ERMAP: variants seen among roughly 807,000 people sequenced by gnomAD.
ERMAP encodes erythroid membrane-associated protein.
In ERMAP, 34 loss-of-function variants were observed where a neutral mutation model predicts 49.5. That is an observed-to-expected ratio of 0.69 (90% confidence interval 0.52 to 0.91). The LOEUF is 0.91. ERMAP is among the 40% of genes least tolerant of loss of function. The pLI is 0.00. For synonymous variants in ERMAP, 214 were observed against 232.2 expected, an observed-to-expected ratio of 0.92 and a Z score of 0.71; for missense variants, 541 against 582.6, an observed-to-expected ratio of 0.93 and a Z score of 0.74.
chr1:42,831,575 C>CTTTTTTTTTTTTTTTTTTTTTTTTTTT (rs796367653), intron 4 of ERMAP, among the ~76,000 whole-genome samples: 1 of 84,010 alleles, frequency 1.2e-5, no homozygotes, highest in Non-Finnish European at 2.1e-5. Context: ...TTTTTTTTCT[C>CTTTTTTTTTTTTTTTTTTTTTTTTTTT]TTTTTTTTTT....
intron 4 of ERMAP, among the ~76,000 whole-genome samples, chr1:42,833,505 T>C (rs570721702): frequency 4.1e-4 from 62 of 152,352 alleles, no homozygotes; most frequent in African/African-American, 1.5e-3. Context: ...TTTTAAGGGC[T>C]GCATAGTATT....
At position 42,835,063 on chromosome 1, in the gene ERMAP, C is replaced by T. The variant is rs149629031; in HGVS notation, c.459C>T (p.Pro153=). 4.5e-5 allele frequency: 69 copies of T among 1,536,050 alleles called. No individual in the cohort carries two copies. Among genetic ancestry groups the T allele is most frequent in the African/African-American group, 3.5e-4 (26 of 73,374 alleles). ...CCCCATCTGTGGGGAGTCTCTCCCC[C>T]TCAGCAGTGGCTCTGGCTGTGATCC... ...VAAPSVGSLS[P]SAVALAVILP... is the part of the protein sequence containing the mutation. The change falls in exon 5 of 12, where the codon CCC becomes CCT. Residue 153 remains proline, a synonymous_variant. Transcript: ENST00000372517.
In ERMAP at chr1:42,842,789, T is replaced by C. The variant is rs145639841; in HGVS notation, c.985T>C (p.Trp329Arg). 3 of 1,614,188 alleles carry C rather than the reference T, an allele frequency of 1.9e-6. No individual in the cohort carries two copies. In the African/African-American group the frequency reaches 4.0e-5, roughly 22 times the overall value. The change falls in exon 12 of 12, where the codon TGG becomes CGG. Residue 329 changes from tryptophan (W) to arginine (R), a missense_variant. Physicochemically the swap from Trp to Arg is moderately radical, Grantham distance 101. Transcript: ENST00000372517. ...TACTGCCTCACCTGCCAATGGACAC[T>C]GGCTTCTGCGACAGAGTCGTGGGAA... The part of the protein sequence containing the change: ...KVTASPANGH[W>R]LLRQSRGNEY...
chr1:42,840,324 T>C, intron 11 of ERMAP, 28 bp downstream of exon 11: 4 of 1,614,020 alleles, frequency 2.5e-6, no homozygotes, highest in South Asian at 2.2e-5. Context: ...AATAGGTCCA[T>C]ATCTCAGAGC....
chr1:42,828,021 ATAAT>A (rs1272635341), intron 2 of ERMAP, among the ~76,000 whole-genome samples: 8 of 152,104 alleles, frequency 5.3e-5, no homozygotes, highest in African/African-American at 1.9e-4. Context: ...GAGCAATATC[ATAAT>A]TAGAAACATA....
rs945062912 is a variant in ERMAP at position 42,843,353 on chromosome 1, G to T, written c.*121G>T. On this transcript the variant is annotated 3_prime_UTR_variant, in exon 12 of 12. Transcript: ENST00000372517. ...CCTTAACCCAAATCCAGACCCTTTT[G>T]TGGTTTCTATTTGTACCACTTTTCT... The T allele has an allele frequency of 4.4e-5, 30 of 679,448 alleles. No individual in the cohort carries two copies. The African/African-American group carries it at 5.3e-4, about 12-fold the overall frequency. 42.1% of individuals were successfully genotyped at this position (679,448 alleles called of 1,614,324 possible). A position where few individuals can be genotyped will look rare whatever the true frequency, so the allele number is the denominator to read the frequency against.
At chr1:42,825,789 G>A in intron 2 of ERMAP, 51 bp downstream of exon 2, 1 of 1,288,080 alleles carries the variant, frequency 7.8e-7, no homozygotes, top group South Asian at 1.2e-5. Context: ...ACTTTCTCAG[G>A]ATCCTCAGGT....
intron 2 of ERMAP, chr1:42,830,063 G>A (rs771624967): frequency 7.2e-4 from 128 of 176,638 alleles, no homozygotes; most frequent in Non-Finnish European, 4.6e-4. Context: ...GTAAAAAAAA[G>A]GCCATTACTG....
At chr1:42,828,876 T>C (rs1248014031) in intron 2 of ERMAP, among the ~76,000 whole-genome samples, 5 of 152,162 alleles carry the variant, frequency 3.3e-5, no homozygotes, top group Non-Finnish European at 7.3e-5. Flanking sequence ...TTCTATTTGA[T>C]TTCAGGCAGC....
In ERMAP at chr1:42,833,003, T is replaced by G. The variant is rs1437733030; in HGVS notation, c.433+1888T>G. Among the ~76,000 whole-genome samples the G allele has an allele frequency of 2.0e-5, 3 of 152,206 alleles. No individual in the cohort carries two copies. In the East Asian group the frequency reaches 5.8e-4, roughly 29 times the overall value. ...ACTTCCATCCCTGTCAGAGGCCCAC[T>G]CTCTGGAAAAAGCTGGGCTCTTCCA... On this transcript the variant is annotated intron_variant, in intron 4 of 11. Coordinates refer to ENST00000372517, the MANE Select transcript of ERMAP (RefSeq NM_001017922.2).
intron 1 of ERMAP, chr1:42,825,384 C>A: frequency 1.4e-6 from 1 of 721,320 alleles, no homozygotes; most frequent in Non-Finnish European, 1.7e-6. Flanking sequence ...TTACTATTGG[C>A]AGCATTGGAG....
intron 8 of ERMAP, 21 bp downstream of exon 8, chr1:42,838,942 A>G (rs770209755): frequency 7.4e-6 from 12 of 1,614,030 alleles, no homozygotes; most frequent in Non-Finnish European, 5.9e-6. Flanking sequence ...CTCCTCATCC[A>G]TGGCACAAGC....
chr1:42,820,284 A>G (rs1457414087), intron 1 of ERMAP, among the ~76,000 whole-genome samples: 1 of 151,378 alleles, frequency 6.6e-6, no homozygotes, highest in Non-Finnish European at 1.5e-5. Context: ...ACTGTCCTTT[A>G]AGTATTTTTC....
chr1:42,830,369 T>G, intron 2 of ERMAP, 75 bp from the exon 3 acceptor site: 6 of 1,347,004 alleles, frequency 4.5e-6, no homozygotes, highest in South Asian at 3.5e-5. Context: ...CGTCTCGGCC[T>G]CGGCTCCTGG....
intron 7 of ERMAP, among the ~76,000 whole-genome samples, chr1:42,838,683 G>A (rs1654972009): frequency 6.6e-6 from 1 of 152,174 alleles, no homozygotes; most frequent in Non-Finnish European, 1.5e-5. Context: ...GGAAGGGGAA[G>A]GAGGAACCAA....
rs202061674 is a variant in ERMAP at position 42,830,481 on chromosome 1, C to T, written c.33C>T (p.Leu11=). 5 of 1,614,186 alleles carry T rather than the reference C, an allele frequency of 3.1e-6. No individual in the cohort carries two copies. In the East Asian group the frequency reaches 8.9e-5, roughly 29 times the overall value. MEMASSAGSW[L]SGCLIPLVFL... ...TGGCGAGTTCTGCTGGCTCCTGGCT[C>T]TCTGGCTGCCTCATCCCTCTCGTCT... Residue 11 remains leucine (L), a synonymous_variant, in exon 3 of 12, where the codon CTC becomes CTT. Transcript: ENST00000372517.
At chr1:42,842,245 A>G (rs1445219703) in intron 11 of ERMAP, among the ~76,000 whole-genome samples, 1 of 152,246 alleles carries the variant, frequency 6.6e-6, no homozygotes, top group Non-Finnish European at 1.5e-5. Flanking sequence ...CACTTAAATC[A>G]TAACAGGTAG....
chr1:42,826,729 G>A (rs376948178), intron 2 of ERMAP, among the ~76,000 whole-genome samples: 1 of 151,916 alleles, frequency 6.6e-6, no homozygotes, highest in Admixed American at 6.6e-5. Flanking sequence ...GGTGGTGTGC[G>A]CCTGTAGTCC....
At position 42,840,149 on chromosome 1, in the gene ERMAP, T is replaced by C. The variant is rs1166422700; in HGVS notation, c.659-3T>C. 4 of 1,614,106 alleles carry C rather than the reference T, an allele frequency of 2.5e-6. No individual in the cohort carries two copies. The highest frequency in any genetic ancestry group is 1.3e-5 in the African/African-American group (1 of 74,942). On this transcript the variant is annotated splice_polypyrimidine_tract_variant and splice_region_variant and intron_variant, in intron 9 of 11. Coordinates refer to ENST00000372517, the MANE Select transcript of ERMAP (RefSeq NM_001017922.2). ...CTCATTCCCCTTGTTTCTTCTTTCA[T>C]AGAGTTGAAAAGAGCTGCAGCAAAC...
Sources: gnomAD v4.1 joint callset for allele counts (sites outside exome capture counted in the v4.1 genomes callset) on GRCh38, gnomAD v4.1.1 for gene constraint, MANE v1.5 for transcripts, NCBI Gene and HGNC (gene_info 2026-07-23, HGNC 2026-07-21) for gene names.